Variants in MINPP1 observed in about 807,000 individuals in gnomAD.
MINPP1 encodes multiple inositol-polyphosphate phosphatase 1.
Under a neutral mutation model 46.1 loss-of-function variants are expected in MINPP1, and 28 were observed. The observed-to-expected ratio is 0.61, with a 90% CI of 0.45 to 0.83. The LOEUF is 0.83. MINPP1 is among the 40% of genes least tolerant of loss of function. The pLI is 0.00. For synonymous variants in MINPP1, 268 were observed against 249.1 expected (o/e 1.08, Z -0.72); for missense variants, 603 against 610.0 (o/e 0.99, Z 0.12).
At chr10:87,520,991 T>G (rs1202112719) in intron 3 of MINPP1, 45 bp from the exon 4 acceptor site, 1 of 768,764 alleles carries the variant, frequency 1.3e-6, no homozygotes, top group Admixed American at 2.3e-5. Flanking sequence ...GGAATCTTGT[T>G]ATATTTTTGA....
intron 3 of MINPP1, among the ~76,000 whole-genome samples, chr10:87,517,567 TA>T (rs1388722748): frequency 6.6e-6 from 1 of 152,246 alleles, no homozygotes; most frequent in African/African-American, 2.4e-5. Flanking sequence ...TGAGGTTGCA[TA>T]TAGCTACAAT....
At chr10:87,519,131 TACA>T (rs138578710) in intron 3 of MINPP1, among the ~76,000 whole-genome samples, 56,068 of 151,784 alleles carry the variant, frequency 0.37, 11,281 homozygotes, top group Non-Finnish European at 0.46. Flanking sequence ...ACCAAAAGAC[TACA>T]ACAAGGGATA....
intron 2 of MINPP1, among the ~76,000 whole-genome samples, chr10:87,510,682 C>T (rs1305329413): frequency 6.6e-6 from 1 of 152,110 alleles, no homozygotes; most frequent in Admixed American, 6.5e-5. Flanking sequence ...ATCACTGGAG[C>T]CCAGGAGTTC....
chr10:87,520,057 A>AGAGTGTGTGTGTGTGTGTGTGTGTGT (rs1554852420), intron 3 of MINPP1, among the ~76,000 whole-genome samples: 1 of 147,364 alleles, frequency 6.8e-6, no homozygotes, highest in African/African-American at 2.5e-5. Context: ...TAAAAGGTAT[A>AGAGTGTGTGTGTGTGTGTGTGTGTGT]GTGTGTGTGT....
At chr10:87,506,605 A>C (rs145337196) in intron 1 of MINPP1, among the ~76,000 whole-genome samples, 1 of 152,218 alleles carries the variant, frequency 6.6e-6, no homozygotes, top group African/African-American at 2.4e-5. Context: ...TTTCTTAGCC[A>C]TTATGCTATA....
In MINPP1 at chr10:87,513,147, A is replaced by C; in HGVS notation, c.859A>C (p.Thr287Pro). The change falls in exon 3 of 5, where the codon ACC becomes CCC. Residue 287 changes from threonine to proline, a missense_variant. Physicochemically the swap from Thr to Pro is conservative, Grantham distance 38 (BLOSUM62 -1). This residue lies in a region of MINPP1 where 344 missense variants were observed against 381.1 expected (regional missense o/e 0.90). Coordinates refer to ENST00000371996, the MANE Select transcript of MINPP1 (RefSeq NM_004897.5). Reference sequence around the variant, plus strand: ...AGATTTAATTCAAGTAGCCTTTTTCACCTGTTCATTTGACCTGGCAATTAA... The same window carrying C: ...AGATTTAATTCAAGTAGCCTTTTTCCCCTGTTCATTTGACCTGGCAATTAA... ...NADLIQVAFF[T>P]CSFDLAIKGV... The C allele has an allele frequency of 6.2e-7, 1 of 1,613,656 alleles. No individual in the cohort carries two copies. Among genetic ancestry groups the C allele is most frequent in the Non-Finnish European group, 8.5e-7 (1 of 1,179,748 alleles).
In MINPP1 at chr10:87,505,427, G is replaced by T. The variant is rs1359191653; in HGVS notation, c.512G>T (p.Arg171Leu). 1 of 1,613,654 alleles carries T rather than the reference G, an allele frequency of 6.2e-7. No individual in the cohort carries two copies. The highest frequency in any genetic ancestry group is 1.1e-5 in the South Asian group (1 of 91,068). Reference sequence around the variant, plus strand: ...TCGCTCTTCCCGGCCCTTTTCAGCCGTGAGAACTACGGCCGCCTGCGGCTC... The same window carrying T: ...TCGCTCTTCCCGGCCCTTTTCAGCCTTGAGAACTACGGCCGCCTGCGGCTC... ...LASLFPALFS[R>L]ENYGRLRLIT... is the part of the protein sequence containing the mutation. The change falls in exon 1 of 5, where the codon CGT becomes CTT. Residue 171 changes from arginine to leucine, a missense_variant. Arg to Leu is a moderately radical substitution (Grantham distance 102). This residue lies in a region of MINPP1 where 344 missense variants were observed against 381.1 expected (regional missense o/e 0.90). Coordinates refer to ENST00000371996, the MANE Select transcript of MINPP1 (RefSeq NM_004897.5). The surrounding 1 kb of genome is among the most constrained non-coding windows in gnomAD (Gnocchi z 4.4).
At chr10:87,546,087 G>A (rs889556503) in intron 4 of MINPP1, among the ~76,000 whole-genome samples, 3 of 152,198 alleles carry the variant, frequency 2.0e-5, no homozygotes, top group Non-Finnish European at 4.4e-5. Flanking sequence ...AAGGGAGGCT[G>A]CCACATAGGC....
chr10:87,518,378 A>G (rs1851445286), intron 3 of MINPP1, among the ~76,000 whole-genome samples: 1 of 151,676 alleles, frequency 6.6e-6, no homozygotes, highest in South Asian at 2.1e-4. Flanking sequence ...TGAACAGACT[A>G]TTATCTAATT....
At chr10:87,538,558 G>GA (rs1287242679) in intron 4 of MINPP1, among the ~76,000 whole-genome samples, 1 of 152,162 alleles carries the variant, frequency 6.6e-6, no homozygotes, top group Non-Finnish European at 1.5e-5. Context: ...GCTTGAGGAA[G>GA]AAAAATGTCA....
intron 4 of MINPP1, among the ~76,000 whole-genome samples, chr10:87,521,970 C>T (rs981402292): frequency 7.9e-5 from 12 of 152,200 alleles, no homozygotes; most frequent in Non-Finnish European, 1.3e-4. Context: ...CAGGCATGAG[C>T]CACTGCACCC....
chr10:87,507,640 GA>G (rs948545726), intron 1 of MINPP1, among the ~76,000 whole-genome samples: 2 of 152,010 alleles, frequency 1.3e-5, no homozygotes, highest in Non-Finnish European at 1.5e-5. Context: ...GAATATGACT[GA>G]AAAAAACGTA....
At chr10:87,506,958 C>T (rs897691899) in intron 1 of MINPP1, among the ~76,000 whole-genome samples, 6 of 151,968 alleles carry the variant, frequency 3.9e-5, no homozygotes, top group Non-Finnish European at 8.8e-5. Flanking sequence ...AGTGAAAATT[C>T]CTCATAAATC....
intron 2 of MINPP1, among the ~76,000 whole-genome samples, chr10:87,511,851 C>CTA (rs1851339358): frequency 6.6e-6 from 1 of 152,156 alleles, no homozygotes; most frequent in Non-Finnish European, 1.5e-5. Flanking sequence ...TTACAAGCCA[C>CTA]TATATTGTAT....
intron 3 of MINPP1, 79 bp from the exon 4 acceptor site, chr10:87,520,957 C>G: frequency 1.5e-6 from 1 of 680,466 alleles, no homozygotes; most frequent in East Asian, 2.8e-5. Context: ...GTAACCATTT[C>G]TTAGAGAATC....
chr10:87,539,796 C>G (rs2131835505), intron 4 of MINPP1, among the ~76,000 whole-genome samples: 1 of 152,242 alleles, frequency 6.6e-6, no homozygotes, highest in South Asian at 2.1e-4. Flanking sequence ...AGTTAAGAAC[C>G]ACAGATGCAG....
intron 4 of MINPP1, among the ~76,000 whole-genome samples, chr10:87,523,581 G>A (rs1014119173): frequency 6.6e-6 from 1 of 150,600 alleles, no homozygotes; most frequent in Non-Finnish European, 1.5e-5. Flanking sequence ...GGATGGTCTC[G>A]ATCTCCTGAC....
chr10:87,540,797 G>C (rs1172949658), intron 4 of MINPP1, among the ~76,000 whole-genome samples: 1 of 152,150 alleles, frequency 6.6e-6, no homozygotes, highest in Non-Finnish European at 1.5e-5. Flanking sequence ...ACTCTAAATT[G>C]TGACACAGGG....
rs562392097 is a variant in MINPP1 at position 87,518,181 on chromosome 10, G to A, written c.934-2855G>A. On this transcript the variant is annotated intron_variant, in intron 3 of 4. Coordinates refer to ENST00000371996, the MANE Select transcript of MINPP1 (RefSeq NM_004897.5). ...TCACCCTGTTAGCCAGGATGGTCTC[G>A]ATCTCCTGACCTCGCAATCCGCCTG... is the stretch of plus-strand genomic sequence containing the variant. 5.3e-5 allele frequency among the ~76,000 whole-genome samples: 8 copies of A among 150,368 alleles called. No homozygotes were observed. In the East Asian group the frequency reaches 1.2e-3, roughly 22 times the overall value.
Sources: gnomAD v4.1 joint callset for allele counts (sites outside exome capture counted in the v4.1 genomes callset) on GRCh38, gnomAD v4.1.1 for gene constraint, gnomAD v4.1.1 regional missense constraint, Gnocchi (gnomAD v3.1) non-coding constraint, MANE v1.5 for transcripts, NCBI Gene and HGNC (gene_info 2026-07-23, HGNC 2026-07-21) for gene names.